PHYHIPL: variants seen among roughly 807,000 people sequenced by gnomAD.
PHYHIPL encodes phytanoyl-CoA 2-hydroxylase interacting protein like, also known as phytanoyl-CoA hydroxylase-interacting protein-like.
Under a neutral mutation model 33.4 loss-of-function variants are expected in PHYHIPL, and 9 were observed. The ratio of observed to expected loss-of-function variants is 0.27; its 90% CI spans 0.16 to 0.47. The LOEUF is 0.47. Ranked by LOEUF, PHYHIPL falls within the 20% of genes least tolerant of loss-of-function variation. PHYHIPL has a pLI of 0.99. For synonymous variants in PHYHIPL, 153 were observed against 154.1 expected (o/e 0.99, Z 0.05); for missense variants, 365 against 460.7 (o/e 0.79, Z 1.90).
At chr10:59,241,815 A>T (rs941353988) in intron 4 of PHYHIPL, among the ~76,000 whole-genome samples, 4 of 152,136 alleles carry the variant, frequency 2.6e-5, no homozygotes, top group African/African-American at 9.7e-5. Flanking sequence ...AACAGTCATT[A>T]TTGAGCACTT....
intron 1 of PHYHIPL, among the ~76,000 whole-genome samples, chr10:59,228,596 A>G (rs142202074): frequency 2.6e-5 from 4 of 152,268 alleles, no homozygotes; most frequent in Non-Finnish European, 5.9e-5. Flanking sequence ...TAAAACATAC[A>G]TTTGTTTAAA....
chr10:59,210,318 T>G (rs1395758739), intron 1 of PHYHIPL, among the ~76,000 whole-genome samples: 6 of 152,046 alleles, frequency 3.9e-5, no homozygotes, highest in Non-Finnish European at 4.4e-5. Flanking sequence ...AACAAACAGA[T>G]GAAAAAAAGC....
At chr10:59,197,665 T>C (rs987696886) in intron 1 of PHYHIPL, among the ~76,000 whole-genome samples, 6 of 152,206 alleles carry the variant, frequency 3.9e-5, no homozygotes, top group South Asian at 4.1e-4. Context: ...ATTCTGGCTG[T>C]GCTACCATAT....
rs572683590 is a variant in PHYHIPL, at chr10:59,189,509, G to A, written c.106+12550G>A. Among the ~76,000 whole-genome samples, 5 of 152,026 alleles carry A rather than the reference G, an allele frequency of 3.3e-5. No individual in the cohort carries two copies. In the South Asian group the frequency reaches 8.3e-4, roughly 25 times the overall value. On this transcript the variant is annotated intron_variant, in intron 1 of 4. Transcript: ENST00000373880. ...AGGAACTTCCCTTAGCCAGTTAAGAGTCTACTTTGTTTTCTTTTGTTCTTC... is the reference window on the plus strand; with the variant it reads ...AGGAACTTCCCTTAGCCAGTTAAGAATCTACTTTGTTTTCTTTTGTTCTTC...
chr10:59,239,762 C>G (rs1840335868), intron 4 of PHYHIPL, among the ~76,000 whole-genome samples: 1 of 151,828 alleles, frequency 6.6e-6, no homozygotes, highest in Admixed American at 6.6e-5. Context: ...TTTTAAAAGC[C>G]TTAGTCTCAC....
chr10:59,205,099 C>T (rs1589273147), intron 1 of PHYHIPL, among the ~76,000 whole-genome samples: 2 of 152,306 alleles, frequency 1.3e-5, no homozygotes, highest in South Asian at 4.1e-4. Context: ...AGGTGATCTG[C>T]CTGCCTTGGC....
rs537927074 is a variant in PHYHIPL, at chr10:59,240,767, A to G, written c.596+2062A>G. On this transcript the variant is annotated intron_variant, in intron 4 of 4. Coordinates refer to ENST00000373880, the MANE Select transcript of PHYHIPL (RefSeq NM_032439.4). ...CTGGAACATTGCCAATATCTATTTT[A>G]GGTGGCCACTGGAGGGCAGTATCTC... Among the ~76,000 whole-genome samples, 20 of 152,202 alleles carry G rather than the reference A, an allele frequency of 1.3e-4. No homozygotes were observed. The South Asian group carries it at 3.9e-3, about 30-fold the overall frequency.
chr10:59,231,196 C>T lies in PHYHIPL; in HGVS notation c.107-3108C>T, dbSNP rs553753490. Among the ~76,000 whole-genome samples, 5 of 152,126 alleles carry T rather than the reference C, an allele frequency of 3.3e-5. No individual in the cohort carries two copies. In the East Asian group the frequency reaches 9.7e-4, roughly 29 times the overall value. On this transcript the variant is annotated intron_variant, in intron 1 of 4. Transcript: ENST00000373880. ...GAAGACACACAAGCACAACATAATG[C>T]ACACAGTAATTGAAACATAAATATG...
At chr10:59,176,497 GA>G (rs1838252572), upstream of PHYHIPL, 1 of 162,766 alleles carries the variant, frequency 6.1e-6, no homozygotes, top group South Asian at 2.0e-4. Context: ...GCGGGGGAGG[GA>G]CCACCGCGCG....
At position 59,245,651 on chromosome 10, in the gene PHYHIPL, G is replaced by A; in HGVS notation, c.*60G>A. The A allele has an allele frequency of 6.7e-7, 1 of 1,491,344 alleles. No individual in the cohort carries two copies. Among genetic ancestry groups the A allele is most frequent in the East Asian group, 2.3e-5 (1 of 44,048 alleles). 92.4% of individuals were successfully genotyped at this position (1,491,344 alleles called of 1,614,324 possible). A position where few individuals can be genotyped will look rare whatever the true frequency, so the allele number is the denominator to read the frequency against. ...CCTCCCTTAGGAGCATTGGTCCTCT[G>A]TTGTCCATTTTTATCACCAGATGTT... On this transcript the variant is annotated 3_prime_UTR_variant, in exon 5 of 5. Coordinates refer to ENST00000373880, the MANE Select transcript of PHYHIPL (RefSeq NM_032439.4).
chr10:59,244,158 TGGA>T (rs1840528707), intron 4 of PHYHIPL, among the ~76,000 whole-genome samples: 1 of 152,008 alleles, frequency 6.6e-6, no homozygotes, highest in Non-Finnish European at 1.5e-5. Flanking sequence ...CAGGTCACAG[TGGA>T]GGACTGTGGT....
At chr10:59,206,999 T>C (rs1241067554) in intron 1 of PHYHIPL, among the ~76,000 whole-genome samples, 1 of 152,198 alleles carries the variant, frequency 6.6e-6, no homozygotes, top group Non-Finnish European at 1.5e-5. Context: ...CTTTTCTCAA[T>C]GAATGATAGG....
intron 1 of PHYHIPL, chr10:59,177,649 G>A (rs1838289816): frequency 6.4e-7 from 1 of 1,550,656 alleles, no homozygotes; most frequent in Non-Finnish European, 8.7e-7. Context: ...ATATTATATC[G>A]TTTATTCTGT....
At position 59,195,920 on chromosome 10, in the gene PHYHIPL, G is replaced by C. The variant is rs1171167958; in HGVS notation, c.106+18961G>C. The stretch of plus-strand genomic sequence containing the variant: ...ATAAAGTAATAGAACTTTTGTTAAT[G>C]TTTATTTTTATATTATCTAGAATAA... On this transcript the variant is annotated intron_variant, in intron 1 of 4. Transcript: ENST00000373880. Among the ~76,000 whole-genome samples, 4 of 152,124 alleles carry C rather than the reference G, an allele frequency of 2.6e-5. No individual in the cohort carries two copies. In the East Asian group the frequency reaches 7.7e-4, roughly 29 times the overall value.
At chr10:59,244,045 T>G (rs1202104257) in intron 4 of PHYHIPL, among the ~76,000 whole-genome samples, 1 of 151,986 alleles carries the variant, frequency 6.6e-6, no homozygotes, top group Non-Finnish European at 1.5e-5. Context: ...CAGGAAGACA[T>G]ACCCAAAGCT....
At position 59,238,636 on chromosome 10, in the gene PHYHIPL, T is replaced by C. The variant is rs761450894; in HGVS notation, c.527T>C (p.Ile176Thr). ...LTQLLEKAEVIAGRMLKFSVF... is the reference protein window; with the variant it reads ...LTQLLEKAEVTAGRMLKFSVF... ...CAATTGTTGGAGAAGGCTGAAGTGA[T>C]TGCAGGACGCATGCTTAAGTTTTCT... is the stretch of plus-strand genomic sequence containing the variant. Residue 176 changes from isoleucine (I) to threonine (T), a missense_variant, in exon 4 of 5, where the codon ATT becomes ACT. By Grantham distance (89) the Ile-to-Thr change is moderately conservative. Coordinates refer to ENST00000373880, the MANE Select transcript of PHYHIPL (RefSeq NM_032439.4). 1 of 1,611,452 alleles carries C rather than the reference T, an allele frequency of 6.2e-7. No individual in the cohort carries two copies. Among genetic ancestry groups the C allele is most frequent in the South Asian group, 1.1e-5 (1 of 90,964 alleles).
chr10:59,233,242 CA>C (rs1344719201), intron 1 of PHYHIPL, among the ~76,000 whole-genome samples: 1 of 151,684 alleles, frequency 6.6e-6, no homozygotes, highest in Non-Finnish European at 1.5e-5. Context: ...TGGGAACTGT[CA>C]AAAAGTTTGT....
At chr10:59,201,930 G>A (rs899201222) in intron 1 of PHYHIPL, among the ~76,000 whole-genome samples, 1 of 152,110 alleles carries the variant, frequency 6.6e-6, no homozygotes, top group Non-Finnish European at 1.5e-5. Context: ...CTGACTTGTG[G>A]TAGAGTTAGG....
chr10:59,242,619 A>G (rs1015820309), intron 4 of PHYHIPL, among the ~76,000 whole-genome samples: 1 of 152,214 alleles, frequency 6.6e-6, no homozygotes, highest in Non-Finnish European at 1.5e-5. Flanking sequence ...TGACAAAGAT[A>G]TTTAAGCAGC....
Sources: gnomAD v4.1 joint callset for allele counts (sites outside exome capture counted in the v4.1 genomes callset) on GRCh38, gnomAD v4.1.1 for gene constraint, MANE v1.5 for transcripts, NCBI Gene and HGNC (gene_info 2026-07-23, HGNC 2026-07-21) for gene names.